Variants in SLC10A6 observed in about 807,000 individuals in gnomAD.
SLC10A6 encodes sodium-dependent organic anion transporter.
SLC10A6 carries 27 observed loss-of-function variants against 30.0 expected under a neutral mutation model. The observed-to-expected ratio is 0.90, with a 90% CI of 0.66 to 1.24. The LOEUF is 1.24. SLC10A6 is among the 50% of genes most tolerant of loss of function. SLC10A6 has a pLI of 0.00. For missense variants in SLC10A6, 439 were observed against 457.0 expected (o/e 0.96, Z 0.36); for synonymous variants, 166 against 173.8 (o/e 0.95, Z 0.36).
intron 4 of SLC10A6, 111 bp from the exon 5 acceptor site, chr4:86,825,688 T>C (rs1745983227): frequency 8.9e-6 from 10 of 1,128,012 alleles, no homozygotes; most frequent in Non-Finnish European, 1.2e-5. Context: ...CCACTGAAAA[T>C]GTGTACTCAT....
chr4:86,845,630 C>T (rs1330758535), intron 1 of SLC10A6, among the ~76,000 whole-genome samples: 1 of 152,186 alleles, frequency 6.6e-6, no homozygotes, highest in Non-Finnish European at 1.5e-5. Flanking sequence ...CAGAGAACAG[C>T]ACTTTCATTG....
At chr4:86,837,510 A>C in intron 1 of SLC10A6, 1 of 747,632 alleles carries the variant, frequency 1.3e-6, no homozygotes, top group South Asian at 6.1e-5. Flanking sequence ...AAAGCTCCCA[A>C]ATGAAGGCTA....
intron 1 of SLC10A6, among the ~76,000 whole-genome samples, chr4:86,835,232 C>T (rs768837548): frequency 2.0e-5 from 3 of 152,210 alleles, no homozygotes; most frequent in African/African-American, 4.8e-5. Flanking sequence ...CAGTGACCCC[C>T]ACAGTCGCTG....
At chr4:86,837,263 GAAAGAAAGAAAGAAAGAA>G (rs1315817920) in intron 1 of SLC10A6, among the ~76,000 whole-genome samples, 5 of 120,616 alleles carry the variant, frequency 4.1e-5, no homozygotes, top group African/African-American at 1.4e-4. Context: ...AAGAAAGAAA[GAAAGAAAGAAAGAAAGAA>G]AGAAAAAGAA....
chr4:86,831,806 T>G lies in SLC10A6; in HGVS notation c.571A>C (p.Lys191Gln), dbSNP rs140551884. 68 of 1,612,980 alleles carry G rather than the reference T, an allele frequency of 4.2e-5. No homozygotes were observed. In the Middle Eastern group the frequency reaches 6.6e-4, roughly 16 times the overall value. ...AAGTCACTCACCTTGAGAATGATTT[T>G]GGATTGTTTTGGCCATCTGTAATTC... The part of the protein sequence containing the change: ...YVNYRWPKQS[K>Q]IILKIGAVVG... Residue 191 changes from lysine (K) to glutamine (Q), a missense_variant, in exon 3 of 6, where the codon AAA (lysine) becomes CAA (glutamine). Lys to Gln is a moderately conservative substitution (Grantham distance 53). Coordinates refer to ENST00000273905, the MANE Select transcript of SLC10A6 (RefSeq NM_197965.3).
At chr4:86,839,214 T>C (rs1052616456) in intron 1 of SLC10A6, among the ~76,000 whole-genome samples, 5 of 150,014 alleles carry the variant, frequency 3.3e-5, no homozygotes, top group Non-Finnish European at 5.9e-5. Flanking sequence ...ATTGGGAGGA[T>C]TGCTTAAGAC....
chr4:86,823,966 G>A, intron 5 of SLC10A6, 64 bp from the exon 6 acceptor site: 1 of 1,427,522 alleles, frequency 7.0e-7, no homozygotes. Context: ...TGGTGACACT[G>A]TACACTTGTC....
intron 1 of SLC10A6, among the ~76,000 whole-genome samples, chr4:86,841,001 T>A (rs1304173339): frequency 1.3e-5 from 2 of 152,222 alleles, no homozygotes; most frequent in Non-Finnish European, 2.9e-5. Flanking sequence ...AACCTCTGTA[T>A]CCACAAAGAG....
At chr4:86,826,581 T>TAAATAAATA (rs1370515747) in intron 4 of SLC10A6, among the ~76,000 whole-genome samples, 1 of 120,786 alleles carries the variant, frequency 8.3e-6, no homozygotes, top group Non-Finnish European at 1.8e-5. Context: ...AATAAATAAA[T>TAAATAAATA]AAAAACACAA....
chr4:86,833,511 T>G (rs1746124635), intron 1 of SLC10A6, 87 bp from the exon 2 acceptor site: 2 of 933,178 alleles, frequency 2.1e-6, no homozygotes, highest in East Asian at 4.9e-5. Flanking sequence ...TAGGACACAA[T>G]TTCCTAGAGA....
At chr4:86,826,020 G>A (rs1168415567) in intron 4 of SLC10A6, among the ~76,000 whole-genome samples, 4 of 152,170 alleles carry the variant, frequency 2.6e-5, no homozygotes, top group Non-Finnish European at 2.9e-5. Context: ...CTGTTCAGCA[G>A]GCATTGCATA....
chr4:86,826,765 G>A (rs1746007379), intron 4 of SLC10A6, among the ~76,000 whole-genome samples: 2 of 152,122 alleles, frequency 1.3e-5, no homozygotes, highest in Admixed American at 1.3e-4. Flanking sequence ...GACCTGGGCA[G>A]GATGTTGAGG....
At position 86,849,229 on chromosome 4, in the gene SLC10A6, C is replaced by T; in HGVS notation, c.-114G>A. On this transcript the variant is annotated 5_prime_UTR_variant, in exon 1 of 6. Coordinates refer to ENST00000273905, the MANE Select transcript of SLC10A6 (RefSeq NM_197965.3). ...CGAAGTCACACATGGAGAATCATTCCAATAACTGTTGGCCAGCAAGGTGAT... is the reference window on the plus strand; with the variant it reads ...CGAAGTCACACATGGAGAATCATTCTAATAACTGTTGGCCAGCAAGGTGAT... 7.8e-7 allele frequency: 1 copy of T among 1,288,270 alleles called. No homozygotes were observed. Among genetic ancestry groups the T allele is most frequent in the Non-Finnish European group, 1.1e-6 (1 of 937,084 alleles). 79.8% of individuals were successfully genotyped at this position (1,288,270 alleles called of 1,614,324 possible).
At chr4:86,828,912 T>C (rs1215579069) in intron 3 of SLC10A6, among the ~76,000 whole-genome samples, 1 of 152,182 alleles carries the variant, frequency 6.6e-6, no homozygotes, top group African/African-American at 2.4e-5. Flanking sequence ...TCATATCATG[T>C]AGACAGTAAA....
chr4:86,843,843 C>T (rs183101272), intron 1 of SLC10A6, among the ~76,000 whole-genome samples: 4 of 152,134 alleles, frequency 2.6e-5, no homozygotes, highest in Admixed American at 1.3e-4. Flanking sequence ...CTCATTCAAT[C>T]CTCTCAACAG....
intron 1 of SLC10A6, among the ~76,000 whole-genome samples, chr4:86,840,146 G>A (rs930896267): frequency 6.6e-5 from 10 of 151,314 alleles, no homozygotes; most frequent in East Asian, 5.8e-4. Context: ...CTCGAACTCC[G>A]GACCTCAGGT....
intron 1 of SLC10A6, 43 bp from the exon 2 acceptor site, chr4:86,833,467 C>A (rs1369040123): frequency 1.4e-6 from 2 of 1,463,606 alleles, no homozygotes; most frequent in African/African-American, 2.8e-5. Context: ...GAGCATTGGA[C>A]ATGAAGAATT....
At chr4:86,827,142 A>G (rs905942423) in intron 4 of SLC10A6, among the ~76,000 whole-genome samples, 2 of 152,204 alleles carry the variant, frequency 1.3e-5, no homozygotes, top group Non-Finnish European at 2.9e-5. Flanking sequence ...GCTATCAGGT[A>G]TGAAAAAGAT....
chr4:86,841,839 G>A (rs1393730886), intron 1 of SLC10A6, among the ~76,000 whole-genome samples: 1 of 152,094 alleles, frequency 6.6e-6, no homozygotes, highest in East Asian at 1.9e-4. Flanking sequence ...TAACCAGATG[G>A]ACACGGAGTG....
Sources: gnomAD v4.1 joint callset for allele counts (sites outside exome capture counted in the v4.1 genomes callset) on GRCh38, gnomAD v4.1.1 for gene constraint, MANE v1.5 for transcripts, NCBI Gene and HGNC (gene_info 2026-07-23, HGNC 2026-07-21) for gene names.